TRDN: variants seen among roughly 807,000 people sequenced by gnomAD.
The protein encoded by TRDN is triadin in skeletal muscle.
Under a neutral mutation model 149.7 loss-of-function variants are expected in TRDN, and 161 were observed. The ratio of observed to expected loss-of-function variants is 1.08; its 90% CI spans 0.95 to 1.23. The LOEUF (loss-of-function observed/expected upper bound fraction) is 1.23. Ranked by LOEUF, TRDN falls within the 50% of genes most tolerant of loss-of-function variation. The pLI is 0.00. For synonymous variants in TRDN, 294 were observed against 250.5 expected, an observed-to-expected ratio of 1.17 and a Z score of -1.64; for missense variants, 896 against 823.5, an observed-to-expected ratio of 1.09 and a Z score of -1.08.
At chr6:123,552,051 T>A (rs1032195606) in intron 2 of TRDN, among the ~76,000 whole-genome samples, 4 of 152,138 alleles carry the variant, frequency 2.6e-5, no homozygotes, top group African/African-American at 9.7e-5. Context: ...ACGATGACAT[T>A]GCTAAGGCCT....
intron 21 of TRDN, among the ~76,000 whole-genome samples, chr6:123,345,403 C>T (rs1260853671): frequency 6.6e-6 from 1 of 151,906 alleles, no homozygotes; most frequent in African/African-American, 2.4e-5. Context: ...TCTCTATTCT[C>T]TTTCATTGAT....
chr6:123,617,688 A>G (rs1412774237), intron 1 of TRDN, among the ~76,000 whole-genome samples: 1 of 152,166 alleles, frequency 6.6e-6, no homozygotes, highest in Non-Finnish European at 1.5e-5. Flanking sequence ...TAAAAGGGAG[A>G]CTATTTATTT....
At chr6:123,513,396 T>G (rs1283091591) in intron 6 of TRDN, among the ~76,000 whole-genome samples, 1 of 152,174 alleles carries the variant, frequency 6.6e-6, no homozygotes, top group Non-Finnish European at 1.5e-5. Context: ...TTGAATACAT[T>G]TTTTTCTGCA....
At chr6:123,602,888 A>T (rs777703651) in intron 1 of TRDN, among the ~76,000 whole-genome samples, 1 of 152,100 alleles carries the variant, frequency 6.6e-6, no homozygotes, top group African/African-American at 2.4e-5. Flanking sequence ...TTATTCATAC[A>T]CATCAACGAC....
At chr6:123,574,696 G>A (rs1412134411) in intron 1 of TRDN, among the ~76,000 whole-genome samples, 1 of 151,610 alleles carries the variant, frequency 6.6e-6, no homozygotes, top group Non-Finnish European at 1.5e-5. Flanking sequence ...ACTGTATTGA[G>A]TTGTATATTA....
chr6:123,448,618 C>T (rs1405033282), intron 10 of TRDN, among the ~76,000 whole-genome samples: 2 of 152,084 alleles, frequency 1.3e-5, no homozygotes, highest in Non-Finnish European at 2.9e-5. Context: ...ACATTCCTAG[C>T]CCTGCCCCCG....
chr6:123,472,130 C>T (rs1417960151), intron 9 of TRDN, among the ~76,000 whole-genome samples: 4 of 152,188 alleles, frequency 2.6e-5, no homozygotes, highest in Non-Finnish European at 4.4e-5. Flanking sequence ...GCGTGAGCGA[C>T]GCAGAAGACG....
At chr6:123,320,405 G>T (rs917136274) in intron 23 of TRDN, among the ~76,000 whole-genome samples, 1 of 151,804 alleles carries the variant, frequency 6.6e-6, no homozygotes. Context: ...CCTAATACAT[G>T]ATAGTGCTTA....
intron 19 of TRDN, among the ~76,000 whole-genome samples, chr6:123,366,749 C>T (rs1337274863): frequency 6.6e-6 from 1 of 152,136 alleles, no homozygotes; most frequent in African/African-American, 2.4e-5. Context: ...AACTCCTGAC[C>T]TCAGGTGATC....
At chr6:123,562,997 T>G (rs1030315889) in intron 2 of TRDN, among the ~76,000 whole-genome samples, 1 of 152,216 alleles carries the variant, frequency 6.6e-6, no homozygotes, top group African/African-American at 2.4e-5. Flanking sequence ...ACTGAAATTT[T>G]TCCACACTCA....
At chr6:123,489,148 T>C (rs1778098111) in intron 9 of TRDN, among the ~76,000 whole-genome samples, 2 of 152,172 alleles carry the variant, frequency 1.3e-5, no homozygotes, top group Non-Finnish European at 2.9e-5. Context: ...TGTTATGTCT[T>C]CCATACCATC....
intron 24 of TRDN, among the ~76,000 whole-genome samples, chr6:123,307,291 A>C (rs1430561479): frequency 2.6e-5 from 4 of 152,044 alleles, no homozygotes; most frequent in Non-Finnish European, 5.9e-5. Context: ...TTAATTAAAA[A>C]AATTTCCTCC....
chr6:123,501,332 A>T (rs1440825517), intron 8 of TRDN, among the ~76,000 whole-genome samples: 2 of 152,068 alleles, frequency 1.3e-5, no homozygotes, highest in East Asian at 3.8e-4. Context: ...ATATGAAAAG[A>T]ATGCCTCAAA....
At chr6:123,462,484 A>G (rs758911519) in intron 10 of TRDN, 1 of 151,092 alleles carries the variant, frequency 6.6e-6, no homozygotes, top group East Asian at 1.9e-4. Flanking sequence ...ACAGAGCCAC[A>G]TTTTTTTTAG....
chr6:123,506,958 T>C (rs1012820291), intron 7 of TRDN, among the ~76,000 whole-genome samples: 2 of 152,208 alleles, frequency 1.3e-5, no homozygotes, highest in African/African-American at 4.8e-5. Context: ...GCAGGAATTC[T>C]ATTATTATTT....
At chr6:123,314,207 T>C (rs1315314112) in intron 24 of TRDN, among the ~76,000 whole-genome samples, 1 of 151,942 alleles carries the variant, frequency 6.6e-6, no homozygotes, top group Non-Finnish European at 1.5e-5. Flanking sequence ...CAGACACTTT[T>C]CAATACAAGA....
rs146586274 is a variant in TRDN, at chr6:123,582,341, C to T, written c.23-11209G>A. 1.5e-3 allele frequency among the ~76,000 whole-genome samples: 224 copies of T among 152,172 alleles called. 2 individuals carry two copies. The highest frequency in any genetic ancestry group is 4.8e-3 in the African/African-American group (199 of 41,508). ...AAGATAAGGAGTTATGGATTTCATG[C>T]GCGTCCGTGTGAAGAGACCACCAAA... is the stretch of plus-strand genomic sequence containing the variant. On this transcript the variant is annotated intron_variant, in intron 1 of 40. Coordinates refer to ENST00000334268, the MANE Select transcript of TRDN (RefSeq NM_006073.4).
intron 1 of TRDN, among the ~76,000 whole-genome samples, chr6:123,633,712 A>G (rs78427505): frequency 0.033 from 5,016 of 152,006 alleles, 280 homozygotes; most frequent in African/African-American, 0.11. Flanking sequence ...TTTATCTATT[A>G]CTCTGTACCT....
intron 20 of TRDN, among the ~76,000 whole-genome samples, chr6:123,356,005 G>C (rs1183084713): frequency 1.3e-5 from 2 of 151,702 alleles, no homozygotes; most frequent in African/African-American, 4.8e-5. Flanking sequence ...TCACTCAGTT[G>C]TAGCAATTTT....
Sources: gnomAD v4.1 joint callset for allele counts (sites outside exome capture counted in the v4.1 genomes callset) on GRCh38, gnomAD v4.1.1 for gene constraint, MANE v1.5 for transcripts, NCBI Gene and HGNC (gene_info 2026-07-23, HGNC 2026-07-21) for gene names.